The following SP140 variants were observed in gnomAD, a reference collection of about 807,000 sequenced individuals.
The protein encoded by SP140 is SP140 nuclear body protein.
A neutral mutation model predicts 125.0 loss-of-function variants in SP140; 81 were observed. That is an observed-to-expected ratio of 0.65 (90% CI 0.54 to 0.78). The LOEUF (loss-of-function observed/expected upper bound fraction) is 0.78. Ranked by LOEUF, SP140 falls within the 30% of genes least tolerant of loss-of-function variation. The pLI is 0.00. For missense variants in SP140, 858 were observed against 1,037.0 expected, an observed-to-expected ratio of 0.83 and a Z score of 2.37; for synonymous variants, 312 against 354.0, an observed-to-expected ratio of 0.88 and a Z score of 1.33.
chr2:230,238,445 C>G, intron 3 of SP140, 64 bp downstream of exon 3: 2 of 1,441,478 alleles, frequency 1.4e-6, no homozygotes, highest in Non-Finnish European at 1.9e-6. Context: ...TTCATTCATT[C>G]ACTCTTCATT....
upstream of SP140, chr2:230,225,556 T>C (rs1337073746): frequency 6.1e-6 from 3 of 490,426 alleles, no homozygotes; most frequent in East Asian, 1.2e-4. Flanking sequence ...TTTGATCTGC[T>C]TGAGTTGAAT....
At chr2:230,209,961 C>T (rs2044287737) in intron 1 of SP140, 5 of 1,610,388 alleles carry the variant, frequency 3.1e-6, no homozygotes, top group Non-Finnish European at 4.2e-6. Context: ...CTGGACACCT[C>T]CTGGGGCTCT....
intron 16 of SP140, among the ~76,000 whole-genome samples, chr2:230,284,642 A>G: frequency 6.6e-6 from 1 of 152,264 alleles, no homozygotes; most frequent in Non-Finnish European, 1.5e-5. Context: ...AGGTGTTATC[A>G]TCCTCAGTAT....
intron 8 of SP140, among the ~76,000 whole-genome samples, chr2:230,248,288 T>C (rs1246637523): frequency 6.6e-6 from 1 of 152,124 alleles, no homozygotes; most frequent in Non-Finnish European, 1.5e-5. Context: ...CAGGATATTA[T>C]CACAAAGGCA....
upstream of SP140, chr2:230,225,681 G>C: frequency 1.5e-6 from 1 of 688,034 alleles, no homozygotes; most frequent in African/African-American, 1.8e-5. Context: ...ATTGGGTGGA[G>C]GGAGGACTGT....
At chr2:230,304,827 A>G (rs2058607168) in intron 22 of SP140, among the ~76,000 whole-genome samples, 1 of 152,162 alleles carries the variant, frequency 6.6e-6, no homozygotes, top group Admixed American at 6.5e-5. Context: ...CATTGGAAAA[A>G]CTCTTCTAGG....
rs577449122 is a variant in SP140, at chr2:230,251,057, G to A, written c.1053G>A (p.Gly351=). Residue 351 remains glycine, a synonymous_variant, in exon 10 of 27, where the codon GGG becomes GGA. Transcript: ENST00000392045. ...QEASSSLARC[G]SVSCLSAETF... ...CCTCTAGCTCCCTAGCAAGATGTGGGTCAGGTAAAGAAGGGGAGGATTTCT... is the reference window on the plus strand; with the variant it reads ...CCTCTAGCTCCCTAGCAAGATGTGGATCAGGTAAAGAAGGGGAGGATTTCT... 3.7e-6 allele frequency: 6 copies of A among 1,613,022 alleles called. No homozygotes were observed. Among genetic ancestry groups the A allele is most frequent in the East Asian group, 2.2e-5 (1 of 44,884 alleles).
At chr2:230,219,080 C>A (rs747232570) in intron 3 of SP140, among the ~76,000 whole-genome samples, 103 of 152,218 alleles carry the variant, frequency 6.8e-4, no homozygotes, top group Non-Finnish European at 1.0e-3. Context: ...CAAAAATTAG[C>A]TGGGCGTGGT....
chr2:230,222,830 G>A (rs72984316), upstream of SP140, among the ~76,000 whole-genome samples: 369 of 146,194 alleles, frequency 2.5e-3, no homozygotes, highest in Non-Finnish European at 4.6e-3. Context: ...TTAGTTTCGT[G>A]TGTATTAAAG....
At chr2:230,189,546 G>C in the SP140 span, among the ~76,000 whole-genome samples, 2,567 of 152,210 alleles carry the variant, frequency 0.017, 51 homozygotes, top group African/African-American at 0.056. Context: ...GATCTGAGGA[G>C]ATACTTAATA....
At chr2:230,248,558 A>G (rs2049857037) in intron 8 of SP140, among the ~76,000 whole-genome samples, 1 of 152,226 alleles carries the variant, frequency 6.6e-6, no homozygotes, top group African/African-American at 2.4e-5. Context: ...GGGATCTAGA[A>G]TAAGAGCTAA....
rs200976999 is a variant in SP140 at position 230,211,592 on chromosome 2, G to C, written c.-322-2062G>C. On this transcript the variant is annotated intron_variant, in intron 1 of 4. Transcript: ENST00000456542. The surrounding 1 kb of genome is among the most constrained non-coding windows in gnomAD (Gnocchi z 4.2). ...GAAAAAGTTTTAGATCTCAGGAACA[G>C]CAAGCAGGGACCAGAATGAGGAGAA... 1 of 1,193,524 alleles carries C rather than the reference G, an allele frequency of 8.4e-7. No individual in the cohort carries two copies. The highest frequency in any genetic ancestry group is 1.3e-6 in the Non-Finnish European group (1 of 796,116). The allele number at this position is 1,193,524 out of a possible 1,614,324, so 73.9% of individuals were successfully genotyped here.
chr2:230,257,694 G>A (rs2051465664), intron 12 of SP140, among the ~76,000 whole-genome samples: 1 of 152,212 alleles, frequency 6.6e-6, no homozygotes, highest in African/African-American at 2.4e-5. Flanking sequence ...TTGAACCCGG[G>A]ATGTGGAGGT....
intron 3 of SP140, chr2:230,215,007 G>A (rs777870813): frequency 2.5e-6 from 4 of 1,613,866 alleles, no homozygotes; most frequent in Non-Finnish European, 2.5e-6. Flanking sequence ...AGGTTAATTT[G>A]ACTGAACAAT....
intron 9 of SP140, among the ~76,000 whole-genome samples, chr2:230,250,275 C>G (rs34855578): frequency 0.15 from 23,178 of 152,110 alleles, 1,870 homozygotes; most frequent in Middle Eastern, 0.22. Context: ...ACGCGGTGAT[C>G]TTTGCTGCAC....
In SP140 at chr2:230,269,992, G is replaced by A. The variant is rs758816834; in HGVS notation, c.1444+39G>A. On this transcript the variant is annotated intron_variant, in intron 14 of 26. Coordinates refer to ENST00000392045, the MANE Select transcript of SP140 (RefSeq NM_007237.5). ...AGGGCCGTGGGATGGGGGTGGCTCA[G>A]TGGGCCCCACAGACCCCCAGTAGGG... 7.2e-6 allele frequency: 10 copies of A among 1,390,426 alleles called. No homozygotes were observed. The East Asian group carries it at 1.1e-4, about 16-fold the overall frequency. The allele number at this position is 1,390,426 out of a possible 1,614,324, so 86.1% of individuals were successfully genotyped here. A position where few individuals can be genotyped will look rare whatever the true frequency, so the allele number is the denominator to read the frequency against.
intron 15 of SP140, 120 bp downstream of exon 15, chr2:230,270,759 G>A: frequency 3.1e-6 from 3 of 959,682 alleles, no homozygotes; most frequent in Non-Finnish European, 4.9e-6. Context: ...GTAGACAGAA[G>A]GATGACCTCC....
intron 3 of SP140, chr2:230,219,870 T>C (rs191102430): frequency 2.0e-6 from 2 of 976,134 alleles, no homozygotes; most frequent in East Asian, 2.2e-4. Flanking sequence ...AGACAGAAAC[T>C]CACCTGGACT....
At chr2:230,287,018 G>C (rs933449892) in intron 17 of SP140, among the ~76,000 whole-genome samples, 1 of 152,158 alleles carries the variant, frequency 6.6e-6, no homozygotes, top group African/African-American at 2.4e-5. Flanking sequence ...GGAACATTTT[G>C]CTTTCCTGCC....
Sources: gnomAD v4.1 joint callset for allele counts (sites outside exome capture counted in the v4.1 genomes callset) on GRCh38, gnomAD v4.1.1 for gene constraint, Gnocchi (gnomAD v3.1) non-coding constraint, MANE v1.5 for transcripts, NCBI Gene and HGNC (gene_info 2026-07-23, HGNC 2026-07-21) for gene names.